Variants in TMCC1 observed in about 807,000 individuals in gnomAD.
TMCC1 encodes the protein transmembrane and coiled-coil domains protein 1.
In TMCC1, 15 loss-of-function variants were observed where a neutral mutation model predicts 52.4. That is an observed-to-expected ratio of 0.29 (90% CI 0.19 to 0.44). TMCC1 has a LOEUF of 0.44. Among genes scored for constraint, TMCC1 ranks in the 20% least tolerant of loss-of-function variants. The probability of loss-of-function intolerance (pLI) is 1.00; values close to 1 mark genes in which losing one functional copy is unlikely to be tolerated. For synonymous variants in TMCC1, 279 were observed against 301.9 expected, an observed-to-expected ratio of 0.92 and a Z score of 0.79; for missense variants, 503 against 806.0, an observed-to-expected ratio of 0.62 and a Z score of 4.55.
At chr3:129,778,670 A>G (rs919026877) in intron 4 of TMCC1, among the ~76,000 whole-genome samples, 2 of 25,788 alleles carry the variant, frequency 7.8e-5, no homozygotes, top group Admixed American at 3.4e-4. Context: ...TGATTAGATC[A>G]TGGTGGGGGG....
chr3:129,812,586 C>T (rs1271157518), intron 4 of TMCC1, among the ~76,000 whole-genome samples: 1 of 151,878 alleles, frequency 6.6e-6, no homozygotes, highest in Admixed American at 6.6e-5. Flanking sequence ...TTTCACAAAA[C>T]AAATACCCGA....
At chr3:129,886,346 G>A (rs2061700103) in intron 1 of TMCC1, among the ~76,000 whole-genome samples, 1 of 152,060 alleles carries the variant, frequency 6.6e-6, no homozygotes, top group South Asian at 2.1e-4. Flanking sequence ...CCAAAGTCAA[G>A]CCATTGGAAA....
chr3:129,875,543 A>G (rs2107977564), intron 2 of TMCC1, among the ~76,000 whole-genome samples: 1 of 150,296 alleles, frequency 6.7e-6, no homozygotes, highest in Non-Finnish European at 1.5e-5. Context: ...AAAAAAGATT[A>G]CTCATACCAG....
In TMCC1 at chr3:129,843,980, AC is replaced by A. The variant is rs2059545617; in HGVS notation, c.-183-11155del. On this transcript the variant is annotated intron_variant, in intron 2 of 6. Coordinates refer to ENST00000393238, the MANE Select transcript of TMCC1 (RefSeq NM_001017395.5). ...ATGAACATATATGCAAAAACCTTTAACAAAATATTAGCAAATCAAATACAGC... is the reference window on the plus strand; with the variant it reads ...ATGAACATATATGCAAAAACCTTTAAAAAATATTAGCAAATCAAATACAGC... 2.6e-5 allele frequency among the ~76,000 whole-genome samples: 4 copies of A among 152,014 alleles called. No homozygotes were observed. In the South Asian group the frequency reaches 6.2e-4, roughly 24 times the overall value.
intron 4 of TMCC1, among the ~76,000 whole-genome samples, chr3:129,701,343 C>G (rs2047816096): frequency 6.6e-6 from 1 of 152,214 alleles, no homozygotes; most frequent in African/African-American, 2.4e-5. Context: ...TTCTCTCTCA[C>G]CTGGCAATCA....
chr3:129,692,603 G>A (rs16862433), intron 4 of TMCC1, among the ~76,000 whole-genome samples: 15,417 of 152,088 alleles, frequency 0.1, 954 homozygotes, highest in African/African-American at 0.17. Flanking sequence ...GTATTTGTGA[G>A]CTTTACTAGT....
chr3:129,763,207 A>AAAATAAATAAAT (rs201181579), intron 4 of TMCC1, among the ~76,000 whole-genome samples: 2 of 131,352 alleles, frequency 1.5e-5, no homozygotes, highest in Non-Finnish European at 3.1e-5. Context: ...CAAAAAATAA[A>AAAATAAATAAAT]AAATAAATAA....
chr3:129,834,385 T>C (rs1328243333), intron 2 of TMCC1, among the ~76,000 whole-genome samples: 1 of 152,174 alleles, frequency 6.6e-6, no homozygotes, highest in African/African-American at 2.4e-5. Context: ...AGTATTTATA[T>C]TAAATTGCAT....
chr3:129,709,852 T>C (rs557014125), intron 4 of TMCC1, among the ~76,000 whole-genome samples: 4 of 152,128 alleles, frequency 2.6e-5, no homozygotes, highest in East Asian at 1.9e-4. Context: ...TATCTAGCAA[T>C]AGGCTTTCAT....
chr3:129,711,914 A>G (rs1213140680), intron 4 of TMCC1, among the ~76,000 whole-genome samples: 1 of 146,790 alleles, frequency 6.8e-6, no homozygotes, highest in Admixed American at 7.0e-5. Flanking sequence ...AGGCAGGAGA[A>G]TCGCTTGAAT....
intron 1 of TMCC1, among the ~76,000 whole-genome samples, chr3:129,889,406 T>G (rs1406068605): frequency 2.0e-5 from 3 of 152,202 alleles, no homozygotes; most frequent in Non-Finnish European, 4.4e-5. Context: ...TGTGGTATTG[T>G]GGATGGGATC....
chr3:129,776,929 C>T (rs1177488661), intron 4 of TMCC1, among the ~76,000 whole-genome samples: 2 of 152,116 alleles, frequency 1.3e-5, no homozygotes, highest in Non-Finnish European at 2.9e-5. Flanking sequence ...GCTACTGTAC[C>T]CAACCTGAGT....
chr3:129,771,440 G>A (rs2054566241), intron 4 of TMCC1, among the ~76,000 whole-genome samples: 1 of 152,088 alleles, frequency 6.6e-6, no homozygotes, highest in Non-Finnish European at 1.5e-5. Flanking sequence ...CCACTAAAAA[G>A]TGTATGGCAG....
Position 129,730,723 on chromosome 3 carries a change from T to A in TMCC1, c.577-59459A>T, listed in dbSNP as rs1394697610. On this transcript the variant is annotated intron_variant, in intron 4 of 6. Transcript: ENST00000393238. ...CTGAGATTTCTGATTGGAATTGTGT[T>A]AAAAGGATAATAGGGAATGCCTACA... Among the ~76,000 whole-genome samples the A allele has an allele frequency of 5.3e-5, 8 of 152,204 alleles. No individual in the cohort carries two copies. The East Asian group carries it at 1.3e-3, about 26-fold the overall frequency.
intron 4 of TMCC1, among the ~76,000 whole-genome samples, chr3:129,733,419 T>C (rs934915980): frequency 6.6e-6 from 1 of 152,202 alleles, no homozygotes; most frequent in Non-Finnish European, 1.5e-5. Context: ...ATAGTTTCAT[T>C]ATTGGAGTAA....
At chr3:129,843,786 G>A (rs999520428) in intron 2 of TMCC1, among the ~76,000 whole-genome samples, 1 of 151,026 alleles carries the variant, frequency 6.6e-6, no homozygotes, top group Admixed American at 6.6e-5. Flanking sequence ...TGGTTAATTC[G>A]ACCAACCATT....
chr3:129,725,399 G>A (rs1051541897), intron 4 of TMCC1, among the ~76,000 whole-genome samples: 2 of 152,122 alleles, frequency 1.3e-5, no homozygotes, highest in African/African-American at 4.8e-5. Flanking sequence ...GTGAGCCACT[G>A]TGCGCGGCCT....
At chr3:129,689,712 C>T (rs531682429) in intron 4 of TMCC1, among the ~76,000 whole-genome samples, 12 of 152,302 alleles carry the variant, frequency 7.9e-5, no homozygotes, top group African/African-American at 2.9e-4. Flanking sequence ...ATACAAAGCC[C>T]TCTGAACGGA....
At chr3:129,826,531 A>C (rs1215611468) in intron 4 of TMCC1, among the ~76,000 whole-genome samples, 2 of 151,960 alleles carry the variant, frequency 1.3e-5, no homozygotes, top group Non-Finnish European at 2.9e-5. Context: ...ATGAATATAC[A>C]CATAAATATG....
Sources: allele counts gnomAD v4.1 joint callset (sites outside exome capture counted in the v4.1 genomes callset), GRCh38; gene constraint gnomAD v4.1.1; transcripts MANE v1.5; gene names NCBI Gene and HGNC (gene_info 2026-07-23, HGNC 2026-07-21).